Variants in THTPA observed in about 807,000 individuals in gnomAD.
The protein encoded by THTPA is thiamine-triphosphatase.
THTPA carries 16 observed loss-of-function variants against 16.5 expected under a neutral mutation model. The ratio of observed to expected loss-of-function variants is 0.97; its 90% CI spans 0.66 to 1.47. The LOEUF is 1.47. THTPA is among the 40% of genes most tolerant of loss of function. The pLI is 0.00. For synonymous variants in THTPA, 110 were observed against 115.5 expected, an observed-to-expected ratio of 0.95 and a Z score of 0.30; for missense variants, 281 against 280.9, an observed-to-expected ratio of 1.00 and a Z score of 0.00.
At chr14:23,530,436 C>G in the THTPA span, 1 of 675,564 alleles carries the variant, frequency 1.5e-6, no homozygotes, top group South Asian at 1.5e-5. Flanking sequence ...CAGTTCCTGT[C>G]CTTTTATAGA....
chr14:23,533,143 A>G, the THTPA span: 4 of 1,463,878 alleles, frequency 2.7e-6, no homozygotes, highest in Non-Finnish European at 3.6e-6. The surrounding 1 kb of genome is among the most constrained non-coding windows in gnomAD (Gnocchi z 4.8). Flanking sequence ...TTGGTTCTCT[A>G]TGTGGGGAGG....
At chr14:23,534,718 C>G in the THTPA span, 1 of 1,536,172 alleles carries the variant, frequency 6.5e-7, no homozygotes, top group East Asian at 2.4e-5. This position sits in a 1 kb window ranked among gnomAD's most constrained non-coding sequence, Gnocchi z 4.5. Context: ...AGCTCCATGC[C>G]TTTCCTCACA....
Position 23,559,510 on chromosome 14 carries a change from A to T in THTPA, c.*670A>T. 1 of 511,028 alleles carries T rather than the reference A, an allele frequency of 2.0e-6. No individual in the cohort carries two copies. 31.7% of individuals were successfully genotyped at this position (511,028 alleles called of 1,614,324 possible). A position where few individuals can be genotyped will look rare whatever the true frequency, so the allele number is the denominator to read the frequency against. The stretch of plus-strand genomic sequence containing the variant: ...GGAAGATGCATACCTCCTATGTAAG[A>T]ATGCTCTTCCCTTGCTGTTATTCAT... On this transcript the variant is annotated 3_prime_UTR_variant, in exon 2 of 2. Transcript: ENST00000288014.
At chr14:23,520,210 C>T in the THTPA span, among the ~76,000 whole-genome samples, 3 of 152,256 alleles carry the variant, frequency 2.0e-5, no homozygotes, top group South Asian at 4.1e-4. The surrounding 1 kb of genome is among the most constrained non-coding windows in gnomAD (Gnocchi z 8.7). Flanking sequence ...TTCGTGTCAG[C>T]TCTAGAACCC....
At chr14:23,530,315 G>C in the THTPA span, 5 of 766,718 alleles carry the variant, frequency 6.5e-6, no homozygotes, top group Non-Finnish European at 1.1e-5. Context: ...GGCTCAATCA[G>C]CAGGTAGGAG....
At chr14:23,533,913 G>A in the THTPA span, 1 of 1,538,060 alleles carries the variant, frequency 6.5e-7, no homozygotes, top group East Asian at 2.4e-5. The surrounding 1 kb of genome is among the most constrained non-coding windows in gnomAD (Gnocchi z 4.8). Flanking sequence ...TCTCTCGCAT[G>A]TGCACATCCA....
chr14:23,553,174 C>A (rs1407867833), upstream of THTPA, among the ~76,000 whole-genome samples: 5 of 152,182 alleles, frequency 3.3e-5, no homozygotes, highest in East Asian at 7.7e-4. Context: ...TTCTCTTAAA[C>A]AACACAACAA....
At chr14:23,543,437 G>A in the THTPA span, 2 of 152,360 alleles carry the variant, frequency 1.3e-5, no homozygotes, top group African/African-American at 4.8e-5. Flanking sequence ...TTTTGAATGA[G>A]GTCTTTTGAG....
rs940862699 is a variant in THTPA at position 23,556,369 on chromosome 14, G to A, written c.-389G>A. ...GTGAGACCTGAAGTTCCGCTGGCCG[G>A]TAGTGTAGCAGGAAAGGGCAGGTCC... is the stretch of plus-strand genomic sequence containing the variant. On this transcript the variant is annotated 5_prime_UTR_variant, in exon 1 of 2. Coordinates refer to ENST00000288014, the MANE Select transcript of THTPA (RefSeq NM_024328.6). 1.0e-5 allele frequency: 2 copies of A among 193,992 alleles called. No homozygotes were observed. The highest frequency in any genetic ancestry group is 1.1e-4 in the South Asian group (1 of 9,192). The allele number at this position is 193,992 out of a possible 1,614,324, so 12.0% of individuals were successfully genotyped here.
chr14:23,525,264 C>G, the THTPA span: 1 of 1,536,132 alleles, frequency 6.5e-7, no homozygotes, highest in Non-Finnish European at 8.7e-7. The surrounding 1 kb of genome is among the most constrained non-coding windows in gnomAD (Gnocchi z 5.9). Context: ...CGGGTCCCCC[C>G]TGCCTCAGGC....
chr14:23,552,175 T>C (rs1388166441), upstream of THTPA, among the ~76,000 whole-genome samples: 2 of 152,142 alleles, frequency 1.3e-5, no homozygotes, highest in Non-Finnish European at 2.9e-5. Flanking sequence ...AATTACTCTT[T>C]AGTCTCTGAG....
At chr14:23,532,577 T>G in the THTPA span, 2 of 1,441,930 alleles carry the variant, frequency 1.4e-6, no homozygotes, top group Non-Finnish European at 1.8e-6. Context: ...CTTATAGATT[T>G]GGCTGTTTTC....
chr14:23,560,082 C>A lies in THTPA; in HGVS notation c.*1242C>A, dbSNP rs200357528. The A allele has an allele frequency of 2.5e-5, 36 of 1,451,966 alleles. No homozygotes were observed. The highest frequency in any genetic ancestry group is 3.3e-5 in the Non-Finnish European group (35 of 1,046,982). 89.9% of individuals were successfully genotyped at this position (1,451,966 alleles called of 1,614,324 possible). A position where few individuals can be genotyped will look rare whatever the true frequency, so the allele number is the denominator to read the frequency against. ...GAGCACAGTATGGCAGTAGGTAGGG[C>A]TCAGGCAGCCCCTCTATACTCAGTG... is the stretch of plus-strand genomic sequence containing the variant. On this transcript the variant is annotated 3_prime_UTR_variant, in exon 2 of 2. Transcript: ENST00000288014.
the THTPA span, chr14:23,521,811 G>T: frequency 7.4e-7 from 1 of 1,343,608 alleles, no homozygotes; most frequent in Non-Finnish European, 9.9e-7. Context: ...AGTGGGGTGT[G>T]TGGTGCCCAC....
chr14:23,557,060 G>T lies in THTPA; in HGVS notation c.303G>T (p.Leu101=). 1 of 1,614,236 alleles carries T rather than the reference G, an allele frequency of 6.2e-7. No individual in the cohort carries two copies. Among genetic ancestry groups the T allele is most frequent in the Non-Finnish European group, 8.5e-7 (1 of 1,180,046 alleles). The stretch of plus-strand genomic sequence containing the variant: ...GTAAGGTGCTGCGGGCTGACGGCCT[G>T]GGGGCTGGAGATGTGGCTGCTGTGC... ...QLCKVLRADG[L]GAGDVAAVLG... is the part of the protein sequence containing the mutation. Residue 101 remains leucine, a synonymous_variant, in exon 1 of 2, where the codon CTG becomes CTT. Transcript: ENST00000288014.
chr14:23,529,932 G>T, the THTPA span, among the ~76,000 whole-genome samples: 1 of 152,150 alleles, frequency 6.6e-6, no homozygotes, highest in Non-Finnish European at 1.5e-5. Context: ...GGATGGTCAG[G>T]TCTGAGTTCT....
chr14:23,528,798 C>G, the THTPA span: 42 of 985,318 alleles, frequency 4.3e-5, no homozygotes, highest in Non-Finnish European at 2.4e-6. Flanking sequence ...AGCCACACTT[C>G]CAGAGGGGTG....
At chr14:23,541,824 ATC>A in the THTPA span, among the ~76,000 whole-genome samples, 1 of 65,510 alleles carries the variant, frequency 1.5e-5, no homozygotes, top group Non-Finnish European at 2.6e-5. Flanking sequence ...CTATCATTCT[ATC>A]ATCTCTAAAT....
the THTPA span, chr14:23,522,902 G>A: frequency 6.8e-6 from 10 of 1,471,434 alleles, no homozygotes; most frequent in African/African-American, 9.8e-5. Context: ...AGGCAGGACC[G>A]AAGTGGCGAG....
Sources: gnomAD v4.1 joint callset for allele counts (sites outside exome capture counted in the v4.1 genomes callset) on GRCh38, gnomAD v4.1.1 for gene constraint, Gnocchi (gnomAD v3.1) non-coding constraint, MANE v1.5 for transcripts, NCBI Gene and HGNC (gene_info 2026-07-23, HGNC 2026-07-21) for gene names.